The following NEGR1 variants were observed in gnomAD, a reference collection of about 807,000 sequenced individuals.
The protein encoded by NEGR1 is neuronal growth regulator 1.
A neutral mutation model predicts 40.9 loss-of-function variants in NEGR1; 10 were observed. The observed-to-expected ratio is 0.24, with a 90% CI of 0.15 to 0.42. The LOEUF is 0.42. Ranked by LOEUF, NEGR1 falls within the 10% of genes least tolerant of loss-of-function variation. The pLI is 1.00. For missense variants in NEGR1, 352 were observed against 438.9 expected, an observed-to-expected ratio of 0.80 and a Z score of 1.77; for synonymous variants, 185 against 166.8, an observed-to-expected ratio of 1.11 and a Z score of -0.84.
At position 71,432,811 on chromosome 1, in the gene NEGR1, GC is replaced by G. The variant is rs1032034946; in HGVS notation, c.941-25242del. On this transcript the variant is annotated intron_variant, in intron 6 of 6. Coordinates refer to ENST00000357731, the MANE Select transcript of NEGR1 (RefSeq NM_173808.3). The stretch of plus-strand genomic sequence containing the variant: ...TATAACCTGTTTTACCAGGATCCAA[GC>G]CCCCATTCTTGAGCAGATATATAAG... Among the ~76,000 whole-genome samples the G allele has an allele frequency of 3.1e-4, 47 of 152,130 alleles. 1 individual carries two copies. Among genetic ancestry groups the G allele is most frequent in the Non-Finnish European group, 1.2e-4 (8 of 68,022 alleles).
chr1:71,989,965 C>T (rs989998877), intron 1 of NEGR1, among the ~76,000 whole-genome samples: 8 of 152,102 alleles, frequency 5.3e-5, no homozygotes, highest in African/African-American at 1.9e-4. Flanking sequence ...CTCTGATACA[C>T]ATCTTAAAAT....
chr1:71,754,147 G>T (rs1200388958), intron 3 of NEGR1, among the ~76,000 whole-genome samples: 1 of 152,226 alleles, frequency 6.6e-6, no homozygotes, highest in South Asian at 2.1e-4. Flanking sequence ...GACAGGAAAG[G>T]CTCCAGTAGC....
chr1:71,502,251 A>G (rs930748068), intron 6 of NEGR1, among the ~76,000 whole-genome samples: 1 of 152,180 alleles, frequency 6.6e-6, no homozygotes, highest in African/African-American at 2.4e-5. Context: ...AAATTGAAAC[A>G]TAAGCAAGAA....
chr1:72,086,768 G>A (rs924696638), intron 1 of NEGR1, among the ~76,000 whole-genome samples: 6 of 151,946 alleles, frequency 3.9e-5, no homozygotes, highest in South Asian at 2.1e-4. Context: ...ATATAAGGTC[G>A]TGTTATATTT....
chr1:71,653,358 C>T (rs1651778309), intron 4 of NEGR1, among the ~76,000 whole-genome samples: 2 of 152,138 alleles, frequency 1.3e-5, no homozygotes, highest in African/African-American at 2.4e-5. Flanking sequence ...TTCATGTGCA[C>T]AAACTTTTCT....
chr1:71,464,910 T>G (rs1460801127), intron 6 of NEGR1, among the ~76,000 whole-genome samples: 1 of 152,088 alleles, frequency 6.6e-6, no homozygotes, highest in Non-Finnish European at 1.5e-5. Flanking sequence ...TACACAGTTA[T>G]GCAAGCGTAG....
chr1:71,458,583 A>C (rs976699245), intron 6 of NEGR1, among the ~76,000 whole-genome samples: 3 of 152,188 alleles, frequency 2.0e-5, no homozygotes, highest in Non-Finnish European at 4.4e-5. Flanking sequence ...TGATCATACC[A>C]GTAATCCATA....
At chr1:72,178,468 A>T (rs2100408085) in intron 1 of NEGR1, among the ~76,000 whole-genome samples, 1 of 151,834 alleles carries the variant, frequency 6.6e-6, no homozygotes, top group African/African-American at 2.4e-5. Flanking sequence ...CACATAAAAA[A>T]CTAGGCTAAA....
chr1:72,248,314 G>A (rs956469137), intron 1 of NEGR1, among the ~76,000 whole-genome samples: 5 of 152,066 alleles, frequency 3.3e-5, no homozygotes, highest in Non-Finnish European at 5.9e-5. Flanking sequence ...CTAGTGTGCA[G>A]TGGCATGATC....
intron 1 of NEGR1, among the ~76,000 whole-genome samples, chr1:72,053,030 A>G (rs1287950112): frequency 6.6e-6 from 1 of 151,394 alleles, no homozygotes; most frequent in Non-Finnish European, 1.5e-5. Context: ...ATTAATGCTT[A>G]TCAAGTTTTA....
chr1:71,396,613 G>C lies in NEGR1; in HGVS notation c.*10833C>G, dbSNP rs919373649. The C allele has an allele frequency of 1.3e-5, 2 of 152,236 alleles. No individual in the cohort carries two copies. The highest frequency in any genetic ancestry group is 6.5e-5 in the Admixed American group (1 of 15,280). 9.4% of individuals were successfully genotyped at this position (152,236 alleles called of 1,614,324 possible). On this transcript the variant is annotated 3_prime_UTR_variant, in exon 7 of 7. Coordinates refer to ENST00000357731, the MANE Select transcript of NEGR1 (RefSeq NM_173808.3). ...TTGAATTCCCACATATTGTGAGAGG[G>C]ACTTGGTGGGAGGTAATTGAACCAT...
At chr1:72,265,242 A>G (rs1342954260) in intron 1 of NEGR1, among the ~76,000 whole-genome samples, 1 of 150,962 alleles carries the variant, frequency 6.6e-6, no homozygotes, top group African/African-American at 2.4e-5. Context: ...GATGATGCCA[A>G]ATGAAAATCA....
At chr1:71,434,109 A>G (rs924004691) in intron 6 of NEGR1, among the ~76,000 whole-genome samples, 1 of 152,164 alleles carries the variant, frequency 6.6e-6, no homozygotes, top group African/African-American at 2.4e-5. Flanking sequence ...TTCAATAAAT[A>G]TATTGAGAAA....
chr1:71,879,164 T>A (rs1391075556), intron 2 of NEGR1, among the ~76,000 whole-genome samples: 1 of 150,828 alleles, frequency 6.6e-6, no homozygotes, highest in Non-Finnish European at 1.5e-5. Flanking sequence ...ACAAGGATAA[T>A]GCATGAAAAC....
intron 6 of NEGR1, among the ~76,000 whole-genome samples, chr1:71,453,099 T>C (rs751768150): frequency 6.6e-6 from 1 of 152,164 alleles, no homozygotes; most frequent in Non-Finnish European, 1.5e-5. Context: ...GCTCCAAGCG[T>C]CTCAATAGCT....
chr1:71,774,906 T>G (rs1007677578), intron 3 of NEGR1, among the ~76,000 whole-genome samples: 2 of 152,206 alleles, frequency 1.3e-5, no homozygotes, highest in Non-Finnish European at 2.9e-5. Context: ...TTATAATCTC[T>G]TTGGGAGGAT....
chr1:71,883,954 G>A (rs1660653675), intron 2 of NEGR1, among the ~76,000 whole-genome samples: 1 of 151,766 alleles, frequency 6.6e-6, no homozygotes, highest in Non-Finnish European at 1.5e-5. Context: ...TTTCTGATAT[G>A]AATAAATGGA....
chr1:72,066,751 C>G (rs564373559), intron 1 of NEGR1, among the ~76,000 whole-genome samples: 53 of 152,202 alleles, frequency 3.5e-4, no homozygotes, highest in Non-Finnish European at 7.2e-4. Context: ...TCTTAGACCA[C>G]CAGCCTCCAG....
chr1:71,656,692 G>T (rs1348922821), intron 4 of NEGR1, among the ~76,000 whole-genome samples: 1 of 152,184 alleles, frequency 6.6e-6, no homozygotes, highest in Non-Finnish European at 1.5e-5. Flanking sequence ...AAGCCACCGC[G>T]CCTGGCCTTT....
Sources: gnomAD v4.1 joint callset for allele counts (sites outside exome capture counted in the v4.1 genomes callset) on GRCh38, gnomAD v4.1.1 for gene constraint, MANE v1.5 for transcripts, NCBI Gene and HGNC (gene_info 2026-07-23, HGNC 2026-07-21) for gene names.